The following MRPS28 variants were observed in gnomAD, a reference collection of about 807,000 sequenced individuals.
MRPS28 encodes the protein mitochondrial ribosomal protein S28.
MRPS28 carries 7 observed loss-of-function variants against 10.8 expected under a neutral mutation model. That is an observed-to-expected ratio of 0.65 (90% CI 0.37 to 1.22). The LOEUF is 1.22. Ranked by LOEUF, MRPS28 falls within the 50% of genes most tolerant of loss-of-function variation. The pLI is 0.02. For synonymous variants in MRPS28, 121 were observed against 93.3 expected, an observed-to-expected ratio of 1.30 and a Z score of -1.71; for missense variants, 265 against 232.9, an observed-to-expected ratio of 1.14 and a Z score of -0.90.
intron 2 of MRPS28, among the ~76,000 whole-genome samples, chr8:79,985,696 G>A (rs1367315540): frequency 3.3e-5 from 5 of 152,222 alleles, no homozygotes; most frequent in African/African-American, 1.2e-4. Flanking sequence ...TAAATTCCTC[G>A]ACACATACAA....
At chr8:79,944,637 A>G (rs1179893402) in intron 2 of MRPS28, among the ~76,000 whole-genome samples, 2 of 152,146 alleles carry the variant, frequency 1.3e-5, no homozygotes, top group African/African-American at 4.8e-5. Context: ...TGGTAGTAGT[A>G]AGATATGCAT....
chr8:79,942,117 T>C (rs1806785806), intron 2 of MRPS28, among the ~76,000 whole-genome samples: 1 of 152,118 alleles, frequency 6.6e-6, no homozygotes, highest in Non-Finnish European at 1.5e-5. Context: ...ACAAGACAAC[T>C]GAACACAATA....
rs1809651096 is a variant in MRPS28 at position 80,030,241 on chromosome 8, G to A, written c.8C>T (p.Ala3Val). ...AGCCACAGCACGGGTCCGACACAGC[G>A]CCGCCATGACTTCTTTACCTCTGAC... is the stretch of plus-strand genomic sequence containing the variant. MA[A>V]LCRTRAVAAE... Residue 3 changes from alanine (A) to valine (V), a missense_variant, in exon 1 of 3, where the codon GCG becomes GTG. Transcript: ENST00000276585. 1 of 1,613,952 alleles carries A rather than the reference G, an allele frequency of 6.2e-7. No homozygotes were observed.
At chr8:79,977,231 T>C (rs1037519950) in intron 2 of MRPS28, among the ~76,000 whole-genome samples, 6 of 152,090 alleles carry the variant, frequency 3.9e-5, no homozygotes, top group Non-Finnish European at 8.8e-5. Context: ...GTGGAGCTCA[T>C]TAAATACTCA....
chr8:80,006,390 T>C (rs1032947573), intron 1 of MRPS28, among the ~76,000 whole-genome samples: 11 of 151,822 alleles, frequency 7.2e-5, no homozygotes, highest in Non-Finnish European at 1.3e-4. Context: ...ACTGGGTACA[T>C]AACAAAATGA....
Position 80,008,777 on chromosome 8 carries a change from A to T in MRPS28, c.214-5597T>A, listed in dbSNP as rs551353236. Among the ~76,000 whole-genome samples the T allele has an allele frequency of 3.3e-5, 5 of 152,372 alleles. No homozygotes were observed. In the East Asian group the frequency reaches 9.6e-4, roughly 29 times the overall value. On this transcript the variant is annotated intron_variant, in intron 1 of 2. Coordinates refer to ENST00000276585, the MANE Select transcript of MRPS28 (RefSeq NM_014018.3). ...GATCATTAAAAAGTCAGGAAACAAC[A>T]GGTACTGGAGAGGATGTGGAGAAAT...
chr8:80,020,837 A>G (rs557004817), intron 1 of MRPS28, among the ~76,000 whole-genome samples: 1 of 152,348 alleles, frequency 6.6e-6, no homozygotes, highest in East Asian at 1.9e-4. Context: ...GTCAGGTTGT[A>G]ACAAAGAATA....
At chr8:80,026,040 A>T (rs904185063) in intron 1 of MRPS28, among the ~76,000 whole-genome samples, 2 of 152,228 alleles carry the variant, frequency 1.3e-5, no homozygotes, top group African/African-American at 2.4e-5. Flanking sequence ...TACATTTCAC[A>T]TAATAACCTG....
intron 2 of MRPS28, among the ~76,000 whole-genome samples, chr8:79,985,131 C>A (rs1808114142): frequency 6.6e-6 from 1 of 152,164 alleles, no homozygotes; most frequent in African/African-American, 2.4e-5. Context: ...TCACTCAAAA[C>A]CGCTCAACTA....
At chr8:79,931,659 T>G in intron 2 of MRPS28, among the ~76,000 whole-genome samples, 1 of 152,272 alleles carries the variant, frequency 6.6e-6, no homozygotes. Flanking sequence ...TCAATGAAAG[T>G]CCAGTCAGGA....
intron 1 of MRPS28, among the ~76,000 whole-genome samples, chr8:80,014,601 TA>T (rs1387394320): frequency 6.6e-6 from 1 of 152,220 alleles, no homozygotes; most frequent in African/African-American, 2.4e-5. Flanking sequence ...ACTCATCTTA[TA>T]AAATGGTGTT....
chr8:80,005,552 G>A (rs943546884), intron 1 of MRPS28, among the ~76,000 whole-genome samples: 13 of 152,116 alleles, frequency 8.5e-5, no homozygotes, highest in African/African-American at 2.7e-4. Context: ...GTGGACCATC[G>A]ATGCTAGGAA....
At position 80,012,607 on chromosome 8, in the gene MRPS28, C is replaced by CT. The variant is rs137884536; in HGVS notation, c.214-9428_214-9427insA. On this transcript the variant is annotated intron_variant, in intron 1 of 2. Transcript: ENST00000276585. ...CAATAAAGCTCACTAACTGAGCTGT[C>CT]ACAGGTACTAACTTGGAGTTGACTA... Among the ~76,000 whole-genome samples, 597 of 152,328 alleles carry CT rather than the reference C, an allele frequency of 3.9e-3. 5 individuals carry two copies. Among genetic ancestry groups the CT allele is most frequent in the African/African-American group, 0.013 (561 of 41,584 alleles).
rs547667448 is a variant in MRPS28 at position 79,939,796 on chromosome 8, C to G, written c.396-20648G>C. Reference sequence around the variant, plus strand: ...CCATCCTAGCTAACATGGTGAAACCCCGTCTCTACTAAAAATACAAAAAAT... The same window carrying G: ...CCATCCTAGCTAACATGGTGAAACCGCGTCTCTACTAAAAATACAAAAAAT... On this transcript the variant is annotated intron_variant, in intron 2 of 2. Transcript: ENST00000276585. 1.4e-3 allele frequency among the ~76,000 whole-genome samples: 210 copies of G among 152,022 alleles called. 3 individuals carry two copies. The highest frequency in any genetic ancestry group is 4.7e-3 in the African/African-American group (196 of 41,474).
chr8:80,024,607 T>C (rs1477570753), intron 1 of MRPS28, among the ~76,000 whole-genome samples: 1 of 152,242 alleles, frequency 6.6e-6, no homozygotes. Context: ...AGGTAAAACT[T>C]GGACTTTCAC....
At chr8:79,986,495 G>C (rs1211992712) in intron 2 of MRPS28, among the ~76,000 whole-genome samples, 1 of 152,238 alleles carries the variant, frequency 6.6e-6, no homozygotes, top group Non-Finnish European at 1.5e-5. Context: ...GTCCCTGTTT[G>C]CAGATGACAT....
chr8:79,991,374 A>G (rs1264794600), intron 2 of MRPS28, among the ~76,000 whole-genome samples: 1 of 152,088 alleles, frequency 6.6e-6, no homozygotes, highest in Non-Finnish European at 1.5e-5. Context: ...AGCAGTATGG[A>G]CTTTTAAAGC....
At chr8:80,002,325 T>C (rs926536122) in intron 2 of MRPS28, among the ~76,000 whole-genome samples, 4 of 152,164 alleles carry the variant, frequency 2.6e-5, no homozygotes, top group African/African-American at 7.2e-5. Context: ...GTTAATTTAA[T>C]ATACTGTCAA....
Position 80,030,166 on chromosome 8 carries a change from C to T in MRPS28, c.83G>A (p.Gly28Asp), listed in dbSNP as rs758610075. 1 of 1,613,574 alleles carries T rather than the reference C, an allele frequency of 6.2e-7. No homozygotes were observed. Among genetic ancestry groups the T allele is most frequent in the Non-Finnish European group, 8.5e-7 (1 of 1,180,044 alleles). The stretch of plus-strand genomic sequence containing the variant: ...TTCGGATCCACTCTCAGTGCCTACA[C>T]CCCGAAAGGGCCTGAAGAAGAGAAA... ...RVFLFFRPFR[G>D]VGTESGSESG... The change falls in exon 1 of 3, where the codon GGT becomes GAT. Residue 28 changes from glycine (G) to aspartate (D), a missense_variant. By Grantham distance (94) the Gly-to-Asp change is moderately conservative (BLOSUM62 -1). Coordinates refer to ENST00000276585, the MANE Select transcript of MRPS28 (RefSeq NM_014018.3).
Sources: gnomAD v4.1 joint callset for allele counts (sites outside exome capture counted in the v4.1 genomes callset) on GRCh38, gnomAD v4.1.1 for gene constraint, MANE v1.5 for transcripts, NCBI Gene and HGNC (gene_info 2026-07-23, HGNC 2026-07-21) for gene names.